The following EXOC6B variants were observed in gnomAD, a reference collection of about 807,000 sequenced individuals.
EXOC6B encodes SEC15 homolog B.
EXOC6B carries 54 observed loss-of-function variants against 113.5 expected under a neutral mutation model. That is an observed-to-expected ratio of 0.48 (90% confidence interval 0.38 to 0.60). EXOC6B has a LOEUF of 0.60. Ranked by LOEUF, EXOC6B falls within the 20% of genes least tolerant of loss-of-function variation. EXOC6B has a pLI of 0.00. For missense variants in EXOC6B, 797 were observed against 977.5 expected (o/e 0.82, Z 2.46); for synonymous variants, 357 against 339.0 (o/e 1.05, Z -0.58).
At chr2:72,797,319 C>T (rs1333836741) in intron 1 of EXOC6B, among the ~76,000 whole-genome samples, 2 of 152,168 alleles carry the variant, frequency 1.3e-5, no homozygotes, top group African/African-American at 2.4e-5. Flanking sequence ...CCCTTTTCTC[C>T]GATCCTCTCA....
chr2:72,687,602 G>A (rs1411647788), intron 6 of EXOC6B, among the ~76,000 whole-genome samples: 1 of 152,072 alleles, frequency 6.6e-6, no homozygotes, highest in Non-Finnish European at 1.5e-5. Context: ...CCAAAAGGCA[G>A]TTTGATTATA....
chr2:72,651,420 T>C (rs1014042511), intron 6 of EXOC6B, among the ~76,000 whole-genome samples: 11 of 152,196 alleles, frequency 7.2e-5, no homozygotes, highest in African/African-American at 2.7e-4. Flanking sequence ...TTAATTGAGT[T>C]GACCTTTGAA....
At chr2:72,264,001 G>T (rs1320632805) in intron 20 of EXOC6B, among the ~76,000 whole-genome samples, 1 of 152,170 alleles carries the variant, frequency 6.6e-6, no homozygotes, top group Non-Finnish European at 1.5e-5. Flanking sequence ...AGAGTTGGTG[G>T]ATGTTTCAAT....
intron 19 of EXOC6B, among the ~76,000 whole-genome samples, chr2:72,362,422 T>C (rs771993918): frequency 2.0e-4 from 30 of 151,966 alleles, no homozygotes; most frequent in Non-Finnish European, 3.4e-4. Flanking sequence ...TCAGTAGAAA[T>C]ATGAAAGAAA....
chr2:72,369,253 C>A (rs1690848724), intron 19 of EXOC6B, among the ~76,000 whole-genome samples: 1 of 152,242 alleles, frequency 6.6e-6, no homozygotes, highest in African/African-American at 2.4e-5. Context: ...AGTGAACTCC[C>A]ATTCACAATT....
At chr2:72,549,997 A>C (rs1052782827) in intron 8 of EXOC6B, among the ~76,000 whole-genome samples, 1 of 152,194 alleles carries the variant, frequency 6.6e-6, no homozygotes, top group African/African-American at 2.4e-5. Context: ...CTAAGAACAG[A>C]AGATAAATAT....
intron 13 of EXOC6B, among the ~76,000 whole-genome samples, chr2:72,497,089 A>C (rs1293818832): frequency 6.6e-6 from 1 of 151,340 alleles, no homozygotes; most frequent in Non-Finnish European, 1.5e-5. Context: ...TCCTCCCGCC[A>C]CAGCCTCCCA....
At chr2:72,720,102 T>C (rs1237583686) in intron 5 of EXOC6B, among the ~76,000 whole-genome samples, 1 of 152,118 alleles carries the variant, frequency 6.6e-6, no homozygotes, top group African/African-American at 2.4e-5. Flanking sequence ...TGTGATAAGA[T>C]GCATATTATA....
At chr2:72,248,845 T>C (rs1007751258) in intron 20 of EXOC6B, among the ~76,000 whole-genome samples, 2 of 152,164 alleles carry the variant, frequency 1.3e-5, no homozygotes, top group East Asian at 3.8e-4. Flanking sequence ...GAAAAACAGA[T>C]GAACCAGAAA....
chr2:72,303,868 G>A (rs974720959), intron 20 of EXOC6B, among the ~76,000 whole-genome samples: 1 of 152,222 alleles, frequency 6.6e-6, no homozygotes, highest in Non-Finnish European at 1.5e-5. Flanking sequence ...GGCAGGGGCA[G>A]GATGGTTGTG....
intron 6 of EXOC6B, among the ~76,000 whole-genome samples, chr2:72,665,483 TA>T (rs1675326422): frequency 6.6e-6 from 1 of 152,034 alleles, no homozygotes; most frequent in African/African-American, 2.4e-5. Context: ...GAAATAGCAT[TA>T]GGCAAGCAGC....
chr2:72,826,000 A>G lies in EXOC6B; in HGVS notation c.-90T>C. 6.6e-7 allele frequency: 1 copy of G among 1,507,620 alleles called. No homozygotes were observed. Among genetic ancestry groups the G allele is most frequent in the Non-Finnish European group, 8.9e-7 (1 of 1,126,022 alleles). The allele number at this position is 1,507,620 out of a possible 1,614,324, so 93.4% of individuals were successfully genotyped here. A position where few individuals can be genotyped will look rare whatever the true frequency, so the allele number is the denominator to read the frequency against. On this transcript the variant is annotated 5_prime_UTR_variant, in exon 1 of 22. Coordinates refer to ENST00000272427, the MANE Select transcript of EXOC6B (RefSeq NM_015189.3). The surrounding 1 kb of genome is among the most constrained non-coding windows in gnomAD (Gnocchi z 4.4). ...ATGCCGCTCCCACCACAGGCTCCAC[A>G]GCCGCCCCAGCCTCTGGCTACCCGC... is the stretch of plus-strand genomic sequence containing the variant.
chr2:72,193,330 T>G (rs1016727171), intron 20 of EXOC6B, among the ~76,000 whole-genome samples: 10 of 152,182 alleles, frequency 6.6e-5, no homozygotes, highest in Admixed American at 6.5e-4. Flanking sequence ...TTGTGTTTAT[T>G]GCCCAAGATT....
chr2:72,325,434 C>A (rs1324438018), intron 20 of EXOC6B, among the ~76,000 whole-genome samples: 1 of 152,012 alleles, frequency 6.6e-6, no homozygotes, highest in Non-Finnish European at 1.5e-5. Context: ...ACTTTTGCCT[C>A]TTTAACTCAT....
intron 20 of EXOC6B, among the ~76,000 whole-genome samples, chr2:72,327,621 G>A (rs1420870124): frequency 6.6e-6 from 1 of 151,986 alleles, no homozygotes; most frequent in Admixed American, 6.6e-5. Context: ...AAAGATTTCT[G>A]CTCTGTTTGG....
At chr2:72,315,343 G>A (rs891489091) in intron 20 of EXOC6B, among the ~76,000 whole-genome samples, 1 of 151,972 alleles carries the variant, frequency 6.6e-6, no homozygotes, top group Admixed American at 6.6e-5. Flanking sequence ...GGGTGTATGT[G>A]TGTGTGTGTG....
intron 20 of EXOC6B, among the ~76,000 whole-genome samples, chr2:72,332,398 A>G (rs1425399026): frequency 6.6e-6 from 1 of 152,104 alleles, no homozygotes; most frequent in Admixed American, 6.6e-5. Flanking sequence ...TGTAAGGACT[A>G]GATGAGAAAT....
chr2:72,425,808 A>G (rs939454747), intron 18 of EXOC6B, among the ~76,000 whole-genome samples: 2 of 152,178 alleles, frequency 1.3e-5, no homozygotes, highest in African/African-American at 2.4e-5. Flanking sequence ...CATAAAAGCT[A>G]TAATTTCTTA....
At chr2:72,698,087 T>C (rs1678020332) in intron 6 of EXOC6B, among the ~76,000 whole-genome samples, 1 of 151,898 alleles carries the variant, frequency 6.6e-6, no homozygotes, top group Non-Finnish European at 1.5e-5. Context: ...ATACAGCCAA[T>C]GAAAGGAGAA....
Sources: gnomAD v4.1 joint callset for allele counts (sites outside exome capture counted in the v4.1 genomes callset) on GRCh38, gnomAD v4.1.1 for gene constraint, Gnocchi (gnomAD v3.1) non-coding constraint, MANE v1.5 for transcripts, NCBI Gene and HGNC (gene_info 2026-07-23, HGNC 2026-07-21) for gene names.